SMURF1: variants seen among roughly 807,000 people sequenced by gnomAD.
SMURF1 encodes the protein E3 ubiquitin-protein ligase SMURF1.
Under a neutral mutation model 98.0 loss-of-function variants are expected in SMURF1, and 44 were observed. That is an observed-to-expected ratio of 0.45 (90% CI 0.35 to 0.58). The LOEUF is 0.58. SMURF1 is among the 20% of genes least tolerant of loss of function. SMURF1 has a pLI of 0.00. For synonymous variants in SMURF1, 396 were observed against 374.9 expected, an observed-to-expected ratio of 1.06 and a Z score of -0.65; for missense variants, 687 against 938.4, an observed-to-expected ratio of 0.73 and a Z score of 3.50.
chr7:99,039,163 G>A (rs1026126337), intron 13 of SMURF1, among the ~76,000 whole-genome samples: 4 of 131,530 alleles, frequency 3.0e-5, no homozygotes, highest in African/African-American at 1.2e-4. Flanking sequence ...CACTGCACTC[G>A]AGCCTGGGTG....
chr7:99,142,464 T>C (rs760800926), intron 1 of SMURF1, among the ~76,000 whole-genome samples: 32 of 148,072 alleles, frequency 2.2e-4, no homozygotes, highest in Non-Finnish European at 4.5e-4. Context: ...CAGGGGGAAG[T>C]GAAGAGAGCA....
At chr7:99,081,022 C>G (rs1176778858) in intron 1 of SMURF1, 1 of 152,288 alleles carries the variant, frequency 6.6e-6, no homozygotes, top group Non-Finnish European at 1.5e-5. Flanking sequence ...GAAAACAGCT[C>G]CCCCTGACCC....
chr7:99,058,301 T>C (rs1436608752), intron 3 of SMURF1, among the ~76,000 whole-genome samples: 2 of 152,002 alleles, frequency 1.3e-5, no homozygotes, highest in Non-Finnish European at 2.9e-5. Flanking sequence ...GGCTAATTTT[T>C]GTATTTTTAG....
chr7:99,137,710 C>T (rs972780695), intron 1 of SMURF1, among the ~76,000 whole-genome samples: 2 of 152,240 alleles, frequency 1.3e-5, no homozygotes, highest in African/African-American at 4.8e-5. Flanking sequence ...TGGAGGTGAA[C>T]ACAGCTGGAA....
At chr7:99,115,699 T>C (rs2150611192) in intron 1 of SMURF1, among the ~76,000 whole-genome samples, 1 of 152,264 alleles carries the variant, frequency 6.6e-6, no homozygotes, top group East Asian at 1.9e-4. Context: ...CTTAGAAATA[T>C]GCATACTACA....
intron 1 of SMURF1, among the ~76,000 whole-genome samples, chr7:99,095,495 C>T (rs1796938614): frequency 6.6e-6 from 1 of 152,150 alleles, no homozygotes; most frequent in Admixed American, 6.5e-5. Flanking sequence ...CTAGTAGTTA[C>T]CAAGTTGCAA....
chr7:99,031,608 G>A (rs1794892116), intron 17 of SMURF1: 1 of 152,206 alleles, frequency 6.6e-6, no homozygotes, highest in Non-Finnish European at 1.5e-5. Flanking sequence ...TTGTGAGTAG[G>A]GTGTGCAGCC....
intron 12 of SMURF1, 71 bp from the exon 13 acceptor site, chr7:99,040,627 C>A: frequency 7.5e-7 from 1 of 1,330,840 alleles, no homozygotes; most frequent in Non-Finnish European, 9.7e-7. Flanking sequence ...CGTGCTGTCC[C>A]CAAGCTTCTT....
At chr7:99,105,994 C>T (rs1797186727) in intron 1 of SMURF1, among the ~76,000 whole-genome samples, 1 of 152,196 alleles carries the variant, frequency 6.6e-6, no homozygotes, top group African/African-American at 2.4e-5. Flanking sequence ...CATGCCAGGC[C>T]AAGTTCACAT....
intron 1 of SMURF1, among the ~76,000 whole-genome samples, chr7:99,074,965 T>C (rs561669020): frequency 1.3e-5 from 2 of 152,278 alleles, no homozygotes; most frequent in South Asian, 2.1e-4. Flanking sequence ...TAATCATTGG[T>C]ACAATGCACA....
intron 12 of SMURF1, 135 bp downstream of exon 12, chr7:99,041,983 A>ACCT (rs1795403961): frequency 1.4e-6 from 1 of 698,174 alleles, no homozygotes; most frequent in South Asian, 1.6e-5. Flanking sequence ...TTTTCACTTT[A>ACCT]CCTCTCCATG....
chr7:99,114,852 T>A (rs1459568723), intron 1 of SMURF1, among the ~76,000 whole-genome samples: 1 of 151,968 alleles, frequency 6.6e-6, no homozygotes, highest in Non-Finnish European at 1.5e-5. Flanking sequence ...AGAAGAAAAT[T>A]TGGAATTTAC....
chr7:99,142,055 TGA>T (rs1798130526), intron 1 of SMURF1, among the ~76,000 whole-genome samples: 1 of 151,734 alleles, frequency 6.6e-6, no homozygotes, highest in African/African-American at 2.4e-5. Context: ...GTAGTACCAA[TGA>T]GAGTGAGAAA....
chr7:99,074,818 A>C (rs1422788033), intron 1 of SMURF1, among the ~76,000 whole-genome samples: 1 of 152,220 alleles, frequency 6.6e-6, no homozygotes, highest in East Asian at 1.9e-4. Flanking sequence ...ACTTGTGTCC[A>C]GGTGTTCAAG....
chr7:99,051,246 C>A, intron 8 of SMURF1, 111 bp downstream of exon 8: 1 of 951,666 alleles, frequency 1.1e-6, no homozygotes, highest in Non-Finnish European at 1.7e-6. Flanking sequence ...AATATCATCT[C>A]ATTCATCACT....
rs1007164489 is a variant in SMURF1 at position 99,029,761 on chromosome 7, T to G, written c.*823A>C. ...CAGAGGTCACAGCTTTGGGACTGACTGGTTGGCTCTAGGGCTGATTTTGGT... is the reference window on the plus strand; with the variant it reads ...CAGAGGTCACAGCTTTGGGACTGACGGGTTGGCTCTAGGGCTGATTTTGGT... On this transcript the variant is annotated 3_prime_UTR_variant, in exon 18 of 18. Coordinates refer to ENST00000361368, the MANE Select transcript of SMURF1 (RefSeq NM_181349.3). The G allele has an allele frequency of 6.6e-6, 1 of 152,190 alleles. No individual in the cohort carries two copies. The highest frequency in any genetic ancestry group is 1.5e-5 in the Non-Finnish European group (1 of 68,044). The allele number at this position is 152,190 out of a possible 1,614,324, so 9.4% of individuals were successfully genotyped here. A position where few individuals can be genotyped will look rare whatever the true frequency, so the allele number is the denominator to read the frequency against.
intron 16 of SMURF1, among the ~76,000 whole-genome samples, chr7:99,033,438 G>T (rs941736712): frequency 2.0e-5 from 3 of 152,198 alleles, no homozygotes; most frequent in Non-Finnish European, 4.4e-5. Flanking sequence ...CCGAGTAGCT[G>T]GGATAACAGG....
At position 99,035,684 on chromosome 7, in the gene SMURF1, C is replaced by G. The variant is rs1372053638; in HGVS notation, c.1842G>C (p.Leu614Phe). The G allele has an allele frequency of 6.2e-7, 1 of 1,614,152 alleles. No homozygotes were observed. The highest frequency in any genetic ancestry group is 1.7e-5 in the Admixed American group (1 of 60,024). The change falls in exon 16 of 18, where the codon TTG becomes TTC. Residue 614 changes from leucine (L) to phenylalanine (F), a missense_variant. Around this residue, in one of 2 missense-constraint regions of SMURF1, gnomAD observed 272 missense variants for 430.0 expected, o/e 0.63. Coordinates refer to ENST00000361368, the MANE Select transcript of SMURF1 (RefSeq NM_181349.3). ...GCCGCGTGTTCGACTTCCAGTCGTT[C>G]AAGTCTATTTTATCCAGGCCGCCTA... ...LIIGGLDKID[L>F]NDWKSNTRLK...
rs760984770 is a variant in SMURF1 at position 99,035,705 on chromosome 7, G to A, written c.1821C>T (p.Gly607=). ...FDQKELELII[G]GLDKIDLNDW... ...CGTTCAAGTCTATTTTATCCAGGCC[G>A]CCTATGATCAGCTGAGGAGGTGCAG... The change falls in exon 16 of 18, where the codon GGC becomes GGT. Residue 607 remains glycine (G), a synonymous_variant. Transcript: ENST00000361368. 40 of 1,613,886 alleles carry A rather than the reference G, an allele frequency of 2.5e-5. No individual in the cohort carries two copies. Among genetic ancestry groups the A allele is most frequent in the Middle Eastern group, 3.3e-4 (2 of 6,082 alleles).
Sources: allele counts gnomAD v4.1 joint callset (sites outside exome capture counted in the v4.1 genomes callset), GRCh38; gene constraint gnomAD v4.1.1; regional missense constraint gnomAD v4.1.1; transcripts MANE v1.5; gene names NCBI Gene and HGNC (gene_info 2026-07-23, HGNC 2026-07-21).